Variants in LCTL observed in about 807,000 individuals in gnomAD.
LCTL encodes the protein lactase-like protein.
Under a neutral mutation model 75.8 loss-of-function variants are expected in LCTL, and 76 were observed. The ratio of observed to expected loss-of-function variants is 1.00; its 90% CI spans 0.83 to 1.21. The LOEUF is 1.21. LCTL is among the 50% of genes most tolerant of loss of function. The pLI is 0.00. For synonymous variants in LCTL, 271 were observed against 268.8 expected (o/e 1.01, Z -0.08); for missense variants, 670 against 712.4 (o/e 0.94, Z 0.68).
exon 13 of LCTL, chr15:66,547,606 G>A (rs1195987828): frequency 6.6e-6 from 1 of 152,016 alleles, no homozygotes; most frequent in Non-Finnish European, 1.5e-5. Flanking sequence ...AAATAAACAT[G>A]TAATATTTCT....
exon 8 of LCTL, chr15:66,557,727 T>C: frequency 6.2e-7 from 1 of 1,613,984 alleles, no homozygotes; most frequent in Non-Finnish European, 8.5e-7. Flanking sequence ...CTCACCAATG[T>C]AGTCCTTCAT....
rs1024533630 is a variant in LCTL, at chr15:66,560,893, T to C, written c.705+113A>G. The stretch of plus-strand genomic sequence containing the variant: ...AATCGTCACAGAAGGGAAGGTGCTA[T>C]GGAGTATGCTGACTCGGAGGTGGAG... On this transcript the variant is annotated intron_variant, in intron 6 of 12. Coordinates refer to ENST00000341509, the Ensembl canonical transcript of LCTL. 5.9e-5 allele frequency: 49 copies of C among 834,686 alleles called. No individual in the cohort carries two copies. The African/African-American group carries it at 7.9e-4, about 13-fold the overall frequency. The allele number at this position is 834,686 out of a possible 1,614,324, so 51.7% of individuals were successfully genotyped here.
At position 66,551,975 on chromosome 15, in the gene LCTL, TTG is replaced by T. The variant is rs545191397; in HGVS notation, c.1324+66_1324+67del. On this transcript the variant is annotated intron_variant, in intron 10 of 12. Coordinates refer to ENST00000341509, the Ensembl canonical transcript of LCTL. ...AGATTTAGAAGCAAGTTTCAGTTGATTGTGTGTTAATCACATTTTGTCTCAGT... is the reference window on the plus strand; with the variant it reads ...AGATTTAGAAGCAAGTTTCAGTTGATTGTGTTAATCACATTTTGTCTCAGT... 425 of 1,568,396 alleles carry T rather than the reference TTG, an allele frequency of 2.7e-4. 1 individual carries two copies. In the African/African-American group the frequency reaches 3.5e-3, roughly 13 times the overall value.
chr15:66,552,441 T>A (rs766117373), intron 9 of LCTL, among the ~76,000 whole-genome samples: 1 of 151,730 alleles, frequency 6.6e-6, no homozygotes. Flanking sequence ...GAGGCCAAGG[T>A]GGGCAGATCA....
At chr15:66,548,626 A>C in intron 12 of LCTL, 21 bp from the exon 14 acceptor site, 1 of 1,249,440 alleles carries the variant, frequency 8.0e-7, no homozygotes, top group Non-Finnish European at 1.2e-6. Context: ...AAAGAGAACG[A>C]GCACCACAAA....
rs541385373 is a variant in LCTL, at chr15:66,552,341, G to A, written c.1198-172C>T. On this transcript the variant is annotated intron_variant, in intron 9 of 12. Transcript: ENST00000341509. ...GTTTATTTAGAGACTAATGTAGGCA[G>A]GAGACAGGTTCTTATAAAGAATGTA... Among the ~76,000 whole-genome samples the A allele has an allele frequency of 8.5e-5, 13 of 152,242 alleles. No individual in the cohort carries two copies. The East Asian group carries it at 2.1e-3, about 25-fold the overall frequency.
chr15:66,564,892 G>GT, intron 1 of LCTL, 53 bp from the exon 3 acceptor site: 1 of 1,560,116 alleles, frequency 6.4e-7, no homozygotes, highest in Non-Finnish European at 8.7e-7. Flanking sequence ...GTCACCCAGA[G>GT]CCAGGACTCT....
intron 4 of LCTL, 54 bp downstream of exon 5, chr15:66,563,462 C>G (rs1384292923): frequency 2.7e-5 from 35 of 1,284,750 alleles, no homozygotes; most frequent in Non-Finnish European, 3.7e-5. Context: ...AAACTGGGCT[C>G]CCTCCTGCTT....
At chr15:66,553,088 C>T (rs1895650914) in exon 9 of LCTL, 1 of 1,610,142 alleles carries the variant, frequency 6.2e-7, no homozygotes, top group South Asian at 1.1e-5. Flanking sequence ...AAGTCACGAT[C>T]GTTCTGGTAG....
At chr15:66,560,855 C>A in intron 6 of LCTL, 151 bp downstream of exon 7, 2 of 659,726 alleles carry the variant, frequency 3.0e-6, no homozygotes, top group African/African-American at 1.8e-5. Flanking sequence ...AATGACAGAA[C>A]ACGCCCTCCA....
intron 9 of LCTL, among the ~76,000 whole-genome samples, chr15:66,552,682 A>AAAC (rs1421519634): frequency 1.4e-5 from 2 of 142,800 alleles, no homozygotes; most frequent in African/African-American, 4.9e-5. Flanking sequence ...AAAAAAAAAA[A>AAAC]AAAAAAACAT....
In LCTL at chr15:66,565,228, G is replaced by A. The variant is rs147563330; in HGVS notation, c.118+20C>T. The stretch of plus-strand genomic sequence containing the variant: ...GTGGACGACAGACAGGCAGACAGAC[G>A]AACAGAGGCGTGGCCGTACCAAGAG... On this transcript the variant is annotated intron_variant, in intron 1 of 12. Transcript: ENST00000341509. 2.8e-3 allele frequency: 4,184 copies of A among 1,505,706 alleles called. 51 individuals are homozygous for A. Among genetic ancestry groups the A allele is most frequent in the East Asian group, 0.027 (1,210 of 44,340 alleles). The allele number at this position is 1,505,706 out of a possible 1,614,324, so 93.3% of individuals were successfully genotyped here.
At chr15:66,555,495 C>T (rs929819731) in intron 8 of LCTL, among the ~76,000 whole-genome samples, 6 of 151,592 alleles carry the variant, frequency 4.0e-5, no homozygotes, top group Non-Finnish European at 7.4e-5. Flanking sequence ...GAGCCGAGAT[C>T]GCACCACTGC....
intron 6 of LCTL, among the ~76,000 whole-genome samples, chr15:66,558,692 T>G (rs1217631605): frequency 2.2e-3 from 316 of 146,218 alleles, no homozygotes; most frequent in Middle Eastern, 0.011. Context: ...TGTGTGTTTT[T>G]TTTTTTTTTT....
rs7164928 is a variant in LCTL, at chr15:66,549,808, G to T, written c.1588+233C>A. On this transcript the variant is annotated intron_variant, in intron 12 of 12. Transcript: ENST00000341509. ...TAAATTTATAGGTATGATTCTGAAA[G>T]AATAAAACTTGAATGGATAAAATGG... The T allele has an allele frequency of 8.4e-3, 3,033 of 359,340 alleles. 22 individuals are homozygous for T. The highest frequency in any genetic ancestry group is 0.013 in the Non-Finnish European group (2,545 of 200,386). The allele number at this position is 359,340 out of a possible 1,614,324, so 22.3% of individuals were successfully genotyped here.
chr15:66,551,999 C>T, intron 10 of LCTL, 44 bp downstream of exon 11: 1 of 1,590,722 alleles, frequency 6.3e-7, no homozygotes. Flanking sequence ...CATTTTGTCT[C>T]AGTTAAACGG....
In LCTL at chr15:66,564,004, C is replaced by T; in HGVS notation, c.283-6G>A. On this transcript the variant is annotated splice_polypyrimidine_tract_variant and splice_region_variant and intron_variant, in intron 2 of 12. Transcript: ENST00000341509. Reference sequence around the variant, plus strand: ...CTCAGCAGAATGATGTCCTCCTGTGCAGACAGGGGTGGGGAGACAGGTCAC... The same window carrying T: ...CTCAGCAGAATGATGTCCTCCTGTGTAGACAGGGGTGGGGAGACAGGTCAC... The T allele has an allele frequency of 1.2e-6, 2 of 1,603,982 alleles. No homozygotes were observed. Among genetic ancestry groups the T allele is most frequent in the Non-Finnish European group, 8.5e-7 (1 of 1,171,028 alleles).
Position 66,552,934 on chromosome 15 carries a change from A to C in LCTL, c.1197+50T>G, listed in dbSNP as rs765260597. Reference sequence around the variant, plus strand: ...AGGCACCTGAGCTTAAGCTGTGAGAACATGAATTCAAGTCTAAATGTCCTT... The same window carrying C: ...AGGCACCTGAGCTTAAGCTGTGAGACCATGAATTCAAGTCTAAATGTCCTT... On this transcript the variant is annotated intron_variant, in intron 9 of 12. Transcript: ENST00000341509. 6.4e-6 allele frequency: 9 copies of C among 1,406,446 alleles called. No individual in the cohort carries two copies. In the Admixed American group the frequency reaches 8.5e-5, roughly 13 times the overall value. The allele number at this position is 1,406,446 out of a possible 1,614,324, so 87.1% of individuals were successfully genotyped here. A position where few individuals can be genotyped will look rare whatever the true frequency, so the allele number is the denominator to read the frequency against.
At chr15:66,552,927 T>A (rs1895644907) in intron 9 of LCTL, 57 bp downstream of exon 10, 2 of 1,390,014 alleles carry the variant, frequency 1.4e-6, no homozygotes, top group African/African-American at 1.5e-5. Flanking sequence ...GAGCTTAAGC[T>A]GTGAGAACAT....
Sources: gnomAD v4.1 joint callset for allele counts (sites outside exome capture counted in the v4.1 genomes callset) on GRCh38, gnomAD v4.1.1 for gene constraint, MANE v1.5 for transcripts, NCBI Gene and HGNC (gene_info 2026-07-23, HGNC 2026-07-21) for gene names.